The following DGKB variants were observed in gnomAD, a reference collection of about 807,000 sequenced individuals.
The protein encoded by DGKB is 90 kDa diacylglycerol kinase.
Under a neutral mutation model 114.3 loss-of-function variants are expected in DGKB, and 67 were observed. That is an observed-to-expected ratio of 0.59 (90% CI 0.48 to 0.72). DGKB has a LOEUF of 0.72. DGKB is among the 30% of genes least tolerant of loss of function. The pLI is 0.00. For synonymous variants in DGKB, 398 were observed against 323.1 expected, an observed-to-expected ratio of 1.23 and a Z score of -2.49; for missense variants, 907 against 975.2, an observed-to-expected ratio of 0.93 and a Z score of 0.93.
chr7:14,502,183 T>C lies in DGKB; in HGVS notation c.1771-23958A>G, dbSNP rs1002796895. ...AGGCATTGAAGCTTTCACCTGTTTC[T>C]CTTGGAAAGCTTGTTTTGGAAAAAA... On this transcript the variant is annotated intron_variant, in intron 20 of 25. Transcript: ENST00000402815. Among the ~76,000 whole-genome samples the C allele has an allele frequency of 3.9e-5, 6 of 152,108 alleles. No homozygotes were observed. The South Asian group carries it at 6.2e-4, about 16-fold the overall frequency.
At chr7:14,495,129 T>C (rs1237703278) in intron 20 of DGKB, among the ~76,000 whole-genome samples, 3 of 151,824 alleles carry the variant, frequency 2.0e-5, no homozygotes, top group African/African-American at 7.2e-5. Context: ...TCCCCACTAA[T>C]CAGTGGCACC....
At chr7:14,807,690 A>T (rs559883208) in intron 2 of DGKB, among the ~76,000 whole-genome samples, 1 of 152,034 alleles carries the variant, frequency 6.6e-6, no homozygotes, top group African/African-American at 2.4e-5. Context: ...TCTCTGCCAC[A>T]GAAGCTCTTG....
At chr7:14,428,834 C>T (rs114842023) in intron 21 of DGKB, among the ~76,000 whole-genome samples, 2,852 of 152,146 alleles carry the variant, frequency 0.019, 104 homozygotes, top group African/African-American at 0.063. Flanking sequence ...AAAACCCATG[C>T]TCATTCAGAT....
chr7:14,919,095 A>ACACAAACACACAC (rs1554345122), intron 1 of DGKB, among the ~76,000 whole-genome samples: 10 of 114,970 alleles, frequency 8.7e-5, no homozygotes, highest in African/African-American at 3.6e-4. Context: ...CACACACACA[A>ACACAAACACACAC]ACACACACAC....
At chr7:14,228,792 C>G (rs568954230) in intron 23 of DGKB, among the ~76,000 whole-genome samples, 1 of 151,758 alleles carries the variant, frequency 6.6e-6, no homozygotes. Context: ...AAAACACTTT[C>G]AAAAAATGTA....
intron 13 of DGKB, among the ~76,000 whole-genome samples, chr7:14,663,496 T>C (rs1218768127): frequency 1.3e-5 from 2 of 152,000 alleles, no homozygotes; most frequent in African/African-American, 4.8e-5. Flanking sequence ...TGCCCACAGA[T>C]CAGGAGTTCA....
intron 21 of DGKB, among the ~76,000 whole-genome samples, chr7:14,370,277 G>A (rs183475589): frequency 1.6e-3 from 237 of 152,162 alleles, no homozygotes; most frequent in African/African-American, 4.6e-3. Flanking sequence ...CATTATTTCC[G>A]AGGCCTCTGT....
intron 17 of DGKB, among the ~76,000 whole-genome samples, chr7:14,603,271 A>G (rs1371802751): frequency 6.6e-6 from 1 of 152,124 alleles, no homozygotes; most frequent in Non-Finnish European, 1.5e-5. Context: ...TTTATGATTA[A>G]TCATGAGAAG....
chr7:14,493,963 T>C (rs34862028), intron 20 of DGKB, among the ~76,000 whole-genome samples: 47,817 of 135,146 alleles, frequency 0.35, 7,777 homozygotes, highest in Admixed American at 0.41. Flanking sequence ...CACACACACA[T>C]CTATGTACAC....
At chr7:14,273,030 T>G (rs62443664) in intron 23 of DGKB, among the ~76,000 whole-genome samples, 315 of 152,282 alleles carry the variant, frequency 2.1e-3, no homozygotes, top group South Asian at 0.014. Flanking sequence ...TGTTACACTA[T>G]TAGTTCTGAA....
chr7:14,853,423 T>C (rs1849669682), intron 1 of DGKB, among the ~76,000 whole-genome samples: 1 of 151,934 alleles, frequency 6.6e-6, no homozygotes, highest in Non-Finnish European at 1.5e-5. Flanking sequence ...TTGTTGCTAC[T>C]ACTAAAATCT....
At chr7:14,214,575 C>T (rs1201139757) in intron 23 of DGKB, among the ~76,000 whole-genome samples, 2 of 151,974 alleles carry the variant, frequency 1.3e-5, no homozygotes, top group African/African-American at 2.4e-5. Context: ...TTTCTCTATT[C>T]TTTCTTTCTC....
intron 4 of DGKB, among the ~76,000 whole-genome samples, chr7:14,752,748 C>T (rs1003553087): frequency 3.3e-5 from 5 of 152,102 alleles, no homozygotes; most frequent in African/African-American, 4.8e-5. Context: ...CAGACAGCCT[C>T]TAGTAAGGAT....
At chr7:14,567,180 TAA>T (rs1797543883) in intron 20 of DGKB, among the ~76,000 whole-genome samples, 1 of 82,920 alleles carries the variant, frequency 1.2e-5, no homozygotes, top group African/African-American at 4.6e-5. Context: ...ATATTATATA[TAA>T]TTATATATTT....
At chr7:14,779,784 T>C (rs2128486153) in intron 2 of DGKB, among the ~76,000 whole-genome samples, 1 of 152,296 alleles carries the variant, frequency 6.6e-6, no homozygotes, top group Non-Finnish European at 1.5e-5. Context: ...TTTCTGGTTT[T>C]AGTCTTCTGA....
At chr7:14,836,697 G>A (rs184547334) in intron 2 of DGKB, among the ~76,000 whole-genome samples, 1 of 152,278 alleles carries the variant, frequency 6.6e-6, no homozygotes, top group East Asian at 1.9e-4. Context: ...ACATATCAAG[G>A]GAAATGCTTC....
chr7:14,395,354 T>G (rs963783863), intron 21 of DGKB, among the ~76,000 whole-genome samples: 5 of 152,012 alleles, frequency 3.3e-5, no homozygotes, highest in African/African-American at 9.7e-5. Flanking sequence ...AATAATCTCT[T>G]CCAAGCCATT....
intron 6 of DGKB, among the ~76,000 whole-genome samples, chr7:14,706,487 C>G (rs1248067482): frequency 2.0e-5 from 3 of 150,284 alleles, no homozygotes; most frequent in Non-Finnish European, 4.5e-5. Flanking sequence ...CTACAGAACT[C>G]TCCACCCCAA....
intron 23 of DGKB, among the ~76,000 whole-genome samples, chr7:14,273,590 G>A (rs1186880421): frequency 6.6e-6 from 1 of 152,194 alleles, no homozygotes; most frequent in Non-Finnish European, 1.5e-5. Context: ...CTAGTTTTGA[G>A]AATAATTTGG....
Sources: gnomAD v4.1 joint callset for allele counts (sites outside exome capture counted in the v4.1 genomes callset) on GRCh38, gnomAD v4.1.1 for gene constraint, MANE v1.5 for transcripts, NCBI Gene and HGNC (gene_info 2026-07-23, HGNC 2026-07-21) for gene names.